Variants in FSCN1 observed in about 807,000 individuals in gnomAD.
The protein encoded by FSCN1 is fascin.
In FSCN1, 10 loss-of-function variants were observed where a neutral mutation model predicts 39.7. The ratio of observed to expected loss-of-function variants is 0.25; its 90% confidence interval spans 0.16 to 0.43. FSCN1 has a LOEUF of 0.43. FSCN1 is among the 20% of genes least tolerant of loss of function. The probability of loss-of-function intolerance (pLI) is 1.00; values close to 1 mark genes in which losing one functional copy is unlikely to be tolerated. For missense variants in FSCN1, 525 were observed against 723.8 expected (o/e 0.73, Z 3.15); for synonymous variants, 322 against 320.0 (o/e 1.01, Z -0.07).
rs904600138 is a variant in FSCN1 at position 5,599,622 on chromosome 7, G to A, written c.833-3635G>A. Among the ~76,000 whole-genome samples the A allele has an allele frequency of 6.6e-4, 100 of 152,052 alleles. No individual in the cohort carries two copies. The highest frequency in any genetic ancestry group is 2.2e-3 in the African/African-American group (90 of 41,386). Reference sequence around the variant, plus strand: ...AGTCCTGGAGTTTGGGCAACATAGCGAGACCACCCCCATCTCTACAAAATA... The same window carrying A: ...AGTCCTGGAGTTTGGGCAACATAGCAAGACCACCCCCATCTCTACAAAATA... On this transcript the variant is annotated intron_variant, in intron 1 of 4. Coordinates refer to ENST00000382361, the MANE Select transcript of FSCN1 (RefSeq NM_003088.4). The surrounding 1 kb of genome is among the most constrained non-coding windows in gnomAD (Gnocchi z 5.6).
Position 5,603,787 on chromosome 7 carries a change from C to T in FSCN1, c.1112-76C>T. 1 of 1,522,078 alleles carries T rather than the reference C, an allele frequency of 6.6e-7. No individual in the cohort carries two copies. The highest frequency in any genetic ancestry group is 9.0e-7 in the Non-Finnish European group (1 of 1,110,730). The allele number at this position is 1,522,078 out of a possible 1,614,324, so 94.3% of individuals were successfully genotyped here. On this transcript the variant is annotated intron_variant, in intron 3 of 4. Transcript: ENST00000382361. The surrounding 1 kb of genome is among the most constrained non-coding windows in gnomAD (Gnocchi z 8.5). ...CTGCTGTGTGACCCCAGCTCCTGGC[C>T]CTCCCTCTCTGGTCACCCCAGCCTC...
At position 5,605,381 on chromosome 7, in the gene FSCN1, C is replaced by G. The variant is rs1242360573; in HGVS notation, c.1389C>G (p.Ile463Met). Reference protein sequence around the residue: ...FEFCDYNKVAIKVGGRYLKGD... With the variant: ...FEFCDYNKVAMKVGGRYLKGD... ...TCTGCGACTATAACAAGGTGGCCATCAAGGTGGGCGGGCGCTACCTGAAGG... is the reference window on the plus strand; with the variant it reads ...TCTGCGACTATAACAAGGTGGCCATGAAGGTGGGCGGGCGCTACCTGAAGG... The change falls in exon 5 of 5, where the codon ATC becomes ATG. Residue 463 changes from isoleucine to methionine, a missense_variant. Physicochemically the swap from Ile to Met is conservative, Grantham distance 10. This residue lies in a region of FSCN1 where 275 missense variants were observed against 351.9 expected (regional missense o/e 0.78). Coordinates refer to ENST00000382361, the MANE Select transcript of FSCN1 (RefSeq NM_003088.4). This position sits in a 1 kb window ranked among gnomAD's most constrained non-coding sequence, Gnocchi z 6.9. The G allele has an allele frequency of 3.1e-6, 5 of 1,613,814 alleles. No individual in the cohort carries two copies. In the South Asian group the frequency reaches 4.4e-5, roughly 14 times the overall value.
chr7:5,592,996 C>T lies in FSCN1; in HGVS notation c.60C>T (p.Gly20=), dbSNP rs1436132326. ...VQIQFGLINC[G]NKYLTAEAFG... is the part of the protein sequence containing the mutation. The stretch of plus-strand genomic sequence containing the variant: ...TCCAGTTCGGCCTCATCAACTGCGG[C>T]AACAAGTACCTGACGGCCGAGGCGT... Residue 20 remains glycine, a synonymous_variant, in exon 1 of 5, where the codon GGC becomes GGT. Transcript: ENST00000382361. This position sits in a 1 kb window ranked among gnomAD's most constrained non-coding sequence, Gnocchi z 5.3. 1 of 1,595,048 alleles carries T rather than the reference C, an allele frequency of 6.3e-7. No individual in the cohort carries two copies. The highest frequency in any genetic ancestry group is 2.3e-5 in the East Asian group (1 of 44,002).
In FSCN1 at chr7:5,603,980, G is replaced by C; in HGVS notation, c.1229G>C (p.Ser410Thr). ...GGCACCCTGGACGCCAACCGCTCCA[G>C]CTATGACGTCTTCCAGCTGGAGTTC... ...VTGTLDANRS[S>T]YDVFQLEFND... is the part of the protein sequence containing the mutation. Residue 410 changes from serine to threonine, a missense_variant, in exon 4 of 5, where the codon AGC becomes ACC. This residue lies in a region of FSCN1 where 275 missense variants were observed against 351.9 expected (regional missense o/e 0.78). Coordinates refer to ENST00000382361, the MANE Select transcript of FSCN1 (RefSeq NM_003088.4). The surrounding 1 kb of genome is among the most constrained non-coding windows in gnomAD (Gnocchi z 8.5). The C allele has an allele frequency of 6.2e-7, 1 of 1,614,030 alleles. No individual in the cohort carries two copies. The highest frequency in any genetic ancestry group is 1.3e-5 in the African/African-American group (1 of 75,070).
At position 5,605,822 on chromosome 7, in the gene FSCN1, G is replaced by T; in HGVS notation, c.*348G>T. ...CTCTGGAAGCGGCTAAGGGACGGTTGGGGGCTGGGAGCCCTGGGCGTGTAG... is the reference window on the plus strand; with the variant it reads ...CTCTGGAAGCGGCTAAGGGACGGTTTGGGGCTGGGAGCCCTGGGCGTGTAG... On this transcript the variant is annotated 3_prime_UTR_variant, in exon 5 of 5. Coordinates refer to ENST00000382361, the MANE Select transcript of FSCN1 (RefSeq NM_003088.4). This position sits in a 1 kb window ranked among gnomAD's most constrained non-coding sequence, Gnocchi z 6.9. 4.5e-6 allele frequency: 1 copy of T among 221,054 alleles called. No homozygotes were observed. Among genetic ancestry groups the T allele is most frequent in the Non-Finnish European group, 9.0e-6 (1 of 111,152 alleles). 13.7% of individuals were successfully genotyped at this position (221,054 alleles called of 1,614,324 possible).
At chr7:5,602,707 G>GT (rs11314567) in intron 1 of FSCN1, among the ~76,000 whole-genome samples, 74 of 151,690 alleles carry the variant, frequency 4.9e-4, no homozygotes, top group South Asian at 1.9e-3. Flanking sequence ...GATTCTTTTT[G>GT]TTTTTTTTGA....
At chr7:5,600,018 G>A (rs1473308401) in intron 1 of FSCN1, among the ~76,000 whole-genome samples, 5 of 152,214 alleles carry the variant, frequency 3.3e-5, no homozygotes, top group Non-Finnish European at 5.9e-5. Flanking sequence ...TCCAGAGCGC[G>A]TGGGGAATGT....
At position 5,603,140 on chromosome 7, in the gene FSCN1, G is replaced by A. The variant is rs1370768024; in HGVS notation, c.833-117G>A. On this transcript the variant is annotated intron_variant, in intron 1 of 4. Coordinates refer to ENST00000382361, the MANE Select transcript of FSCN1 (RefSeq NM_003088.4). This position sits in a 1 kb window ranked among gnomAD's most constrained non-coding sequence, Gnocchi z 8.5. The stretch of plus-strand genomic sequence containing the variant: ...TGTGTGCCACTGTGGGGACTCGGCC[G>A]CCCACCCCACCCCGTGGTGTTACCT... 18 of 1,207,538 alleles carry A rather than the reference G, an allele frequency of 1.5e-5. No individual in the cohort carries two copies. The highest frequency in any genetic ancestry group is 3.9e-5 in the Admixed American group (2 of 51,366). 74.8% of individuals were successfully genotyped at this position (1,207,538 alleles called of 1,614,324 possible). A position where few individuals can be genotyped will look rare whatever the true frequency, so the allele number is the denominator to read the frequency against.
chr7:5,595,553 C>G (rs193012575), intron 1 of FSCN1, among the ~76,000 whole-genome samples: 86 of 152,302 alleles, frequency 5.6e-4, no homozygotes, highest in Middle Eastern at 3.4e-3. Flanking sequence ...TGGCTGAGTC[C>G]TTTCTGAGCA....
intron 1 of FSCN1, among the ~76,000 whole-genome samples, chr7:5,600,324 G>C (rs561879426): frequency 4.0e-5 from 6 of 151,806 alleles, no homozygotes; most frequent in Non-Finnish European, 8.8e-5. Context: ...TGAGGCAGGA[G>C]AATCACTTGA....
intron 1 of FSCN1, among the ~76,000 whole-genome samples, chr7:5,602,149 G>A (rs1785843801): frequency 6.6e-6 from 1 of 151,406 alleles, no homozygotes; most frequent in African/African-American, 2.4e-5. Context: ...CGGGTGATCT[G>A]CCTGCCTTGG....
In FSCN1 at chr7:5,605,333, T is replaced by A. The variant is rs1366204857; in HGVS notation, c.1341T>A (p.Thr447=). Residue 447 remains threonine (T), a synonymous_variant, in exon 5 of 5, where the codon ACT becomes ACA. Coordinates refer to ENST00000382361, the MANE Select transcript of FSCN1 (RefSeq NM_003088.4). The surrounding 1 kb of genome is among the most constrained non-coding windows in gnomAD (Gnocchi z 6.9). ...SDSAVTSSGD[T]PVDFFFEFCD... is the part of the protein sequence containing the mutation. ...CCGCGGTCACCAGCAGCGGCGACACTCCTGTGGACTTCTTCTTCGAGTTCT... is the reference window on the plus strand; with the variant it reads ...CCGCGGTCACCAGCAGCGGCGACACACCTGTGGACTTCTTCTTCGAGTTCT... The A allele has an allele frequency of 7.4e-6, 12 of 1,613,692 alleles. No homozygotes were observed. The South Asian group carries it at 1.2e-4, about 16-fold the overall frequency.
At chr7:5,596,667 G>A (rs1254446842) in intron 1 of FSCN1, among the ~76,000 whole-genome samples, 2 of 152,294 alleles carry the variant, frequency 1.3e-5, no homozygotes, top group East Asian at 3.9e-4. Context: ...CCAGGGATAG[G>A]ACCTGTCCTC....
In FSCN1 at chr7:5,606,205, T is replaced by G. The variant is rs2128550600; in HGVS notation, c.*731T>G. 6.6e-6 allele frequency: 1 copy of G among 152,236 alleles called. No individual in the cohort carries two copies. The highest frequency in any genetic ancestry group is 2.4e-5 in the African/African-American group (1 of 41,526). The allele number at this position is 152,236 out of a possible 1,614,324, so 9.4% of individuals were successfully genotyped here. A position where few individuals can be genotyped will look rare whatever the true frequency, so the allele number is the denominator to read the frequency against. On this transcript the variant is annotated 3_prime_UTR_variant, in exon 5 of 5. Coordinates refer to ENST00000382361, the MANE Select transcript of FSCN1 (RefSeq NM_003088.4). This position sits in a 1 kb window ranked among gnomAD's most constrained non-coding sequence, Gnocchi z 5.1. ...CTCTTTCCTTTCACCCTAGCCTGACTGGAAGCAGAAAATGACCAAATCAGT... is the reference window on the plus strand; with the variant it reads ...CTCTTTCCTTTCACCCTAGCCTGACGGGAAGCAGAAAATGACCAAATCAGT...
At position 5,605,426 on chromosome 7, in the gene FSCN1, G is replaced by A; in HGVS notation, c.1434G>A (p.Leu478=). Residue 478 remains leucine, a synonymous_variant, in exon 5 of 5, where the codon CTG becomes CTA. Coordinates refer to ENST00000382361, the MANE Select transcript of FSCN1 (RefSeq NM_003088.4). The surrounding 1 kb of genome is among the most constrained non-coding windows in gnomAD (Gnocchi z 6.9). ...RYLKGDHAGV[L]KASAETVDPA... ...TGAAGGGCGACCACGCAGGCGTCCT[G>A]AAGGCCTCGGCGGAAACCGTGGACC... 6.2e-7 allele frequency: 1 copy of A among 1,609,812 alleles called. No individual in the cohort carries two copies. The highest frequency in any genetic ancestry group is 8.5e-7 in the Non-Finnish European group (1 of 1,178,258).
At chr7:5,600,619 G>C (rs1413371245) in intron 1 of FSCN1, among the ~76,000 whole-genome samples, 1 of 150,184 alleles carries the variant, frequency 6.7e-6, no homozygotes, top group African/African-American at 2.5e-5. Flanking sequence ...AGCCTCCCGA[G>C]CAGCTGGGAT....
chr7:5,604,118 A>C (rs1196218822), intron 4 of FSCN1, 88 bp downstream of exon 4: 2 of 1,279,640 alleles, frequency 1.6e-6, no homozygotes, highest in Non-Finnish European at 2.2e-6. Context: ...CTGCATCCAC[A>C]CTGGACCCTG....
At chr7:5,600,817 CTAAT>C (rs929191919) in intron 1 of FSCN1, among the ~76,000 whole-genome samples, 7 of 149,604 alleles carry the variant, frequency 4.7e-5, no homozygotes, top group Non-Finnish European at 8.8e-5. Flanking sequence ...CCGTGCCCGG[CTAAT>C]TTTTTTTTTT....
At chr7:5,604,760 C>T (rs550313427) in intron 4 of FSCN1, among the ~76,000 whole-genome samples, 8 of 152,168 alleles carry the variant, frequency 5.3e-5, no homozygotes, top group African/African-American at 1.9e-4. Flanking sequence ...CTCAGCCTCC[C>T]GAGTAGCTGG....
Sources: allele counts gnomAD v4.1 joint callset (sites outside exome capture counted in the v4.1 genomes callset), GRCh38; gene constraint gnomAD v4.1.1; regional missense constraint gnomAD v4.1.1; non-coding constraint Gnocchi (gnomAD v3.1); transcripts MANE v1.5; gene names NCBI Gene and HGNC (gene_info 2026-07-23, HGNC 2026-07-21).